RTP2: variants seen among roughly 807,000 people sequenced by gnomAD.
The protein encoded by RTP2 is receptor-transporting protein 2.
RTP2 carries 12 observed loss-of-function variants against 17.9 expected under a neutral mutation model. The ratio of observed to expected loss-of-function variants is 0.67; its 90% confidence interval spans 0.43 to 1.09. The LOEUF is 1.09. Among genes scored for constraint, RTP2 ranks in the 50% least tolerant of loss-of-function variants. The probability of loss-of-function intolerance (pLI) is 0.00; values close to 1 mark genes in which losing one functional copy is unlikely to be tolerated. For missense variants in RTP2, 327 were observed against 295.7 expected (o/e 1.11, Z -0.78); for synonymous variants, 126 against 117.7 (o/e 1.07, Z -0.46).
At chr3:187,714,568 C>T in the RTP2 span, among the ~76,000 whole-genome samples, 1 of 152,260 alleles carries the variant, frequency 6.6e-6, no homozygotes, top group Admixed American at 6.5e-5. Context: ...ACAGCCTTCA[C>T]TGCTTGGTCT....
At chr3:187,705,766 A>G (rs1056740172), upstream of RTP2, among the ~76,000 whole-genome samples, 3 of 152,218 alleles carry the variant, frequency 2.0e-5, no homozygotes, top group African/African-American at 7.2e-5. Context: ...TGGAGACTTT[A>G]CATTCCCAGA....
intron 1 of RTP2, among the ~76,000 whole-genome samples, chr3:187,701,595 C>T (rs941294802): frequency 3.3e-5 from 5 of 152,128 alleles, no homozygotes; most frequent in African/African-American, 9.7e-5. Flanking sequence ...CATAGCTGTA[C>T]CCCCTGCATT....
chr3:187,708,399 T>C, the RTP2 span, among the ~76,000 whole-genome samples: 1 of 152,230 alleles, frequency 6.6e-6, no homozygotes, highest in Non-Finnish European at 1.5e-5. Context: ...TTACTTAATC[T>C]GTGTCATGAC....
chr3:187,698,739 T>C, exon 2 of RTP2: 1 of 1,614,006 alleles, frequency 6.2e-7, no homozygotes, highest in African/African-American at 1.3e-5. Flanking sequence ...CGGCCCGCTG[T>C]CCGGGCGGCT....
At chr3:187,705,479 A>G (rs924318246), upstream of RTP2, among the ~76,000 whole-genome samples, 1 of 152,254 alleles carries the variant, frequency 6.6e-6, no homozygotes, top group Non-Finnish European at 1.5e-5. Flanking sequence ...TATCCTGGGC[A>G]GACTTTTAAA....
the RTP2 span, among the ~76,000 whole-genome samples, chr3:187,712,487 G>A: frequency 6.6e-6 from 1 of 152,126 alleles, no homozygotes. Flanking sequence ...TTTTTAAAAA[G>A]ACAAAGTGTG....
chr3:187,703,494 CT>C (rs1717909408), upstream of RTP2, among the ~76,000 whole-genome samples: 1 of 152,198 alleles, frequency 6.6e-6, no homozygotes, highest in Non-Finnish European at 1.5e-5. Flanking sequence ...TAGAAGAGCT[CT>C]TTTATTTTTA....
chr3:187,702,414 A>C (rs1348529404), exon 1 of RTP2: 1 of 536,258 alleles, frequency 1.9e-6, no homozygotes, highest in Non-Finnish European at 3.6e-6. Flanking sequence ...AGGAGCAAGC[A>C]CAGTGGGAGG....
chr3:187,701,005 C>T (rs1717831990), intron 1 of RTP2, among the ~76,000 whole-genome samples: 1 of 152,234 alleles, frequency 6.6e-6, no homozygotes, highest in South Asian at 2.1e-4. Flanking sequence ...CACCATTCTG[C>T]ACCATGAGAA....
upstream of RTP2, among the ~76,000 whole-genome samples, chr3:187,705,561 C>T (rs1443351262): frequency 6.6e-6 from 1 of 152,196 alleles, no homozygotes; most frequent in Non-Finnish European, 1.5e-5. Flanking sequence ...TTCCAGGAGA[C>T]ACCAATTCAC....
chr3:187,708,162 A>G, the RTP2 span, among the ~76,000 whole-genome samples: 1 of 152,360 alleles, frequency 6.6e-6, no homozygotes, highest in Admixed American at 6.5e-5. Context: ...ATAAGTCTCC[A>G]GTAGTACATC....
upstream of RTP2, among the ~76,000 whole-genome samples, chr3:187,702,901 T>C (rs1471028715): frequency 1.3e-5 from 2 of 152,126 alleles, no homozygotes; most frequent in African/African-American, 4.8e-5. Context: ...AGCACAGTAA[T>C]AACATTTCAG....
chr3:187,706,448 T>A (rs888151951), upstream of RTP2, among the ~76,000 whole-genome samples: 2 of 152,052 alleles, frequency 1.3e-5, no homozygotes, highest in African/African-American at 4.8e-5. Flanking sequence ...CTGACCAGAA[T>A]AAAAAGAATT....
At chr3:187,713,240 C>G in the RTP2 span, among the ~76,000 whole-genome samples, 1 of 152,370 alleles carries the variant, frequency 6.6e-6, no homozygotes, top group Non-Finnish European at 1.5e-5. Context: ...GTGGCTTCCT[C>G]TCTGTCTACT....
At chr3:187,710,127 G>T in the RTP2 span, among the ~76,000 whole-genome samples, 2 of 152,246 alleles carry the variant, frequency 1.3e-5, no homozygotes, top group East Asian at 3.9e-4. Context: ...AGACAATGCA[G>T]GAAGGTTGAA....
chr3:187,708,475 T>C, the RTP2 span, among the ~76,000 whole-genome samples: 1 of 152,178 alleles, frequency 6.6e-6, no homozygotes, highest in East Asian at 1.9e-4. Flanking sequence ...CAAAATGGTT[T>C]CCATGTCCAA....
chr3:187,712,649 T>C, the RTP2 span, among the ~76,000 whole-genome samples: 1 of 152,068 alleles, frequency 6.6e-6, no homozygotes, highest in Non-Finnish European at 1.5e-5. Flanking sequence ...AAACTCTAAG[T>C]CCTGAGTCCA....
rs561872078 is a variant in RTP2, at chr3:187,698,593, T to C, written c.583A>G (p.Asn195Asp). 9.5e-5 allele frequency: 153 copies of C among 1,614,160 alleles called. 2 individuals are homozygous for C. In the South Asian group the frequency reaches 1.5e-3, roughly 16 times the overall value. ...AGGCACCAGCGAAGAGACAAGAAGT[T>C]GTAGCCGGATCCCGCCTGGGCCCTC... The change falls in exon 2 of 2, where the codon AAC (asparagine) becomes GAC (aspartate). Residue 195 changes from asparagine (N) to aspartate (D), a missense_variant. By Grantham distance (23) the Asn-to-Asp change is conservative. Transcript: ENST00000358241.
the RTP2 span, among the ~76,000 whole-genome samples, chr3:187,709,553 T>C: frequency 0.011 from 1,731 of 152,202 alleles, 36 homozygotes; most frequent in African/African-American, 0.04. Context: ...GGCATGGTGG[T>C]ATGCCCTTGT....
Sources: gnomAD v4.1 joint callset for allele counts (sites outside exome capture counted in the v4.1 genomes callset) on GRCh38, gnomAD v4.1.1 for gene constraint, MANE v1.5 for transcripts, NCBI Gene and HGNC (gene_info 2026-07-23, HGNC 2026-07-21) for gene names.